The following WWOX variants were observed in gnomAD, a reference collection of about 807,000 sequenced individuals.
WWOX encodes WW domain-containing oxidoreductase.
Under a neutral mutation model 46.2 loss-of-function variants are expected in WWOX, and 69 were observed. That is an observed-to-expected ratio of 1.49 (90% CI 1.23 to 1.82). The LOEUF is 1.82. Ranked by LOEUF, WWOX falls within the 40% of genes most tolerant of loss-of-function variation. WWOX has a pLI of 0.00. For missense variants in WWOX, 919 were observed against 542.6 expected (o/e 1.69, Z -6.89); for synonymous variants, 359 against 202.6 (o/e 1.77, Z -6.56).
chr16:78,782,703 C>A (rs910517558), intron 8 of WWOX, among the ~76,000 whole-genome samples: 5 of 131,644 alleles, frequency 3.8e-5, no homozygotes, highest in Middle Eastern at 4.9e-3. Context: ...CAATTGTGAT[C>A]ATACTATATA....
At chr16:78,677,149 C>A (rs1413302801) in intron 8 of WWOX, among the ~76,000 whole-genome samples, 1 of 151,944 alleles carries the variant, frequency 6.6e-6, no homozygotes, top group East Asian at 1.9e-4. Context: ...TGTTTACAGA[C>A]CCCAAAGCTT....
At chr16:78,831,320 G>A (rs1289190975) in intron 8 of WWOX, among the ~76,000 whole-genome samples, 1 of 152,186 alleles carries the variant, frequency 6.6e-6, no homozygotes, top group Admixed American at 6.5e-5. Context: ...ATCCCCTGAA[G>A]TAGCCCCTGA....
At chr16:78,998,046 T>C (rs2047023965) in intron 8 of WWOX, among the ~76,000 whole-genome samples, 2 of 152,034 alleles carry the variant, frequency 1.3e-5, no homozygotes, top group Admixed American at 1.3e-4. Context: ...CTAGCTAATT[T>C]TGTGTTTTTA....
At chr16:78,790,111 T>G (rs964189932) in intron 8 of WWOX, among the ~76,000 whole-genome samples, 4 of 152,136 alleles carry the variant, frequency 2.6e-5, no homozygotes, top group Non-Finnish European at 5.9e-5. Flanking sequence ...AGTACTGTTA[T>G]TGTTTCAGGA....
chr16:78,983,448 A>C lies in WWOX; in HGVS notation c.1057-228160A>C, dbSNP rs374311467. ...GATGTATTTATCCATAAAACTGAAC[A>C]GGTGTTATGTGTGCCTTTTCTAATA... On this transcript the variant is annotated intron_variant, in intron 8 of 8. Transcript: ENST00000566780. Among the ~76,000 whole-genome samples, 135 of 152,322 alleles carry C rather than the reference A, an allele frequency of 8.9e-4. 2 individuals carry two copies. In the South Asian group the frequency reaches 0.023, roughly 26 times the overall value.
rs530606462 is a variant in WWOX at position 79,052,173 on chromosome 16, A to G, written c.1057-159435A>G. ...CATCTAGCATTAGGTATATCTCCCAATGCTATCCCTCCCCCTTCCCCCCAC... is the reference window on the plus strand; with the variant it reads ...CATCTAGCATTAGGTATATCTCCCAGTGCTATCCCTCCCCCTTCCCCCCAC... On this transcript the variant is annotated intron_variant, in intron 8 of 8. Coordinates refer to ENST00000566780, the MANE Select transcript of WWOX (RefSeq NM_016373.4). 7.2e-3 allele frequency among the ~76,000 whole-genome samples: 1,092 copies of G among 151,872 alleles called. 9 individuals carry two copies. The highest frequency in any genetic ancestry group is 0.011 in the Non-Finnish European group (730 of 67,934).
intron 8 of WWOX, among the ~76,000 whole-genome samples, chr16:79,123,291 A>G (rs1448324662): frequency 2.0e-5 from 3 of 151,846 alleles, no homozygotes; most frequent in Non-Finnish European, 4.4e-5. Context: ...CTAAGTTTAG[A>G]CGCCCTCCTA....
chr16:78,810,807 A>G (rs932906395), intron 8 of WWOX, among the ~76,000 whole-genome samples: 2 of 152,186 alleles, frequency 1.3e-5, no homozygotes, highest in Non-Finnish European at 2.9e-5. Flanking sequence ...AGGGGGGAAA[A>G]AAAACTCCCT....
At chr16:79,029,147 A>T (rs1266617384) in intron 8 of WWOX, among the ~76,000 whole-genome samples, 1 of 152,148 alleles carries the variant, frequency 6.6e-6, no homozygotes, top group African/African-American at 2.4e-5. Context: ...TCGATTGATG[A>T]AGGAGGGAGC....
chr16:78,836,687 G>A (rs72801098), intron 8 of WWOX, among the ~76,000 whole-genome samples: 1 of 152,162 alleles, frequency 6.6e-6, no homozygotes, highest in Admixed American at 6.5e-5. Context: ...ATGACATGCA[G>A]AAATACTGTA....
At chr16:78,562,000 A>T (rs1208205651) in intron 8 of WWOX, among the ~76,000 whole-genome samples, 1 of 152,178 alleles carries the variant, frequency 6.6e-6, no homozygotes, top group Non-Finnish European at 1.5e-5. Flanking sequence ...GACATTCAGG[A>T]TTGCTATAAT....
chr16:78,243,105 A>ATG (rs1388983799), intron 5 of WWOX, among the ~76,000 whole-genome samples: 1 of 152,122 alleles, frequency 6.6e-6, no homozygotes, highest in African/African-American at 2.4e-5. Context: ...CTGTCATCCC[A>ATG]TGATGCTCTC....
At chr16:78,807,670 G>A (rs947344375) in intron 8 of WWOX, among the ~76,000 whole-genome samples, 1 of 152,206 alleles carries the variant, frequency 6.6e-6, no homozygotes, top group African/African-American at 2.4e-5. Flanking sequence ...GCGCCAGCCT[G>A]TAATGGGCAT....
chr16:78,919,109 G>C (rs1303588459), intron 8 of WWOX, among the ~76,000 whole-genome samples: 1 of 152,098 alleles, frequency 6.6e-6, no homozygotes, highest in Non-Finnish European at 1.5e-5. Context: ...TAACTCACTT[G>C]AGATCCTACT....
At chr16:78,885,175 C>G (rs1470068542) in intron 8 of WWOX, among the ~76,000 whole-genome samples, 4 of 149,904 alleles carry the variant, frequency 2.7e-5, no homozygotes, top group Non-Finnish European at 5.9e-5. Context: ...TTGCGGGGGA[C>G]TACCAATCAC....
intron 8 of WWOX, among the ~76,000 whole-genome samples, chr16:78,819,152 C>T (rs917196212): frequency 6.6e-6 from 1 of 152,214 alleles, no homozygotes; most frequent in Admixed American, 6.5e-5. Context: ...CACTGCTGTT[C>T]AGTTCACTTC....
chr16:78,505,162 T>C (rs1488151169), intron 8 of WWOX, among the ~76,000 whole-genome samples: 1 of 152,140 alleles, frequency 6.6e-6, no homozygotes. Context: ...AAAGATCTTT[T>C]AAATACACAG....
chr16:78,530,901 C>T (rs1479634085), intron 8 of WWOX, among the ~76,000 whole-genome samples: 1 of 152,196 alleles, frequency 6.6e-6, no homozygotes, highest in Non-Finnish European at 1.5e-5. Flanking sequence ...CACATTATCT[C>T]ACTTAATTTC....
chr16:78,748,089 C>G (rs915291464), intron 8 of WWOX, among the ~76,000 whole-genome samples: 10 of 152,104 alleles, frequency 6.6e-5, no homozygotes, highest in African/African-American at 2.4e-4. Flanking sequence ...TTCACAGACT[C>G]TGCTCTTTCT....
Sources: gnomAD v4.1 joint callset for allele counts (sites outside exome capture counted in the v4.1 genomes callset) on GRCh38, gnomAD v4.1.1 for gene constraint, MANE v1.5 for transcripts, NCBI Gene and HGNC (gene_info 2026-07-23, HGNC 2026-07-21) for gene names.